The following PLEKHM3 variants were observed in gnomAD, a reference collection of about 807,000 sequenced individuals.
PLEKHM3 encodes the protein pleckstrin homology domain containing M3.
Under a neutral mutation model 81.8 loss-of-function variants are expected in PLEKHM3, and 45 were observed. The observed-to-expected ratio is 0.55, with a 90% CI of 0.43 to 0.71. The LOEUF is 0.71. Ranked by LOEUF, PLEKHM3 falls within the 30% of genes least tolerant of loss-of-function variation. PLEKHM3 has a pLI of 0.00. For synonymous variants in PLEKHM3, 352 were observed against 356.4 expected (o/e 0.99, Z 0.14); for missense variants, 788 against 924.3 (o/e 0.85, Z 1.91).
At chr2:207,882,835 T>A (rs80287537) in intron 6 of PLEKHM3, among the ~76,000 whole-genome samples, 4,551 of 152,138 alleles carry the variant, frequency 0.03, 212 homozygotes, top group African/African-American at 0.1. Flanking sequence ...AGTTTTTTTT[T>A]TAATTTTTTT....
intron 4 of PLEKHM3, among the ~76,000 whole-genome samples, chr2:207,944,169 T>C (rs575490992): frequency 1.3e-5 from 2 of 151,966 alleles, no homozygotes; most frequent in South Asian, 4.2e-4. Context: ...GGACAAGAAA[T>C]TAGAGAAGGT....
chr2:207,920,190 C>A (rs1689133880), intron 5 of PLEKHM3, among the ~76,000 whole-genome samples: 1 of 152,112 alleles, frequency 6.6e-6, no homozygotes, highest in Non-Finnish European at 1.5e-5. Flanking sequence ...TCAAGCCAAG[C>A]CATTAAATTG....
intron 6 of PLEKHM3, among the ~76,000 whole-genome samples, chr2:207,907,772 T>C (rs1478685622): frequency 6.6e-6 from 1 of 152,216 alleles, no homozygotes; most frequent in African/African-American, 2.4e-5. Flanking sequence ...TAACCATCAC[T>C]GCTGTTTAAT....
In PLEKHM3 at chr2:207,901,835, T is replaced by G. The variant is rs149387781; in HGVS notation, c.1950+6679A>C. Among the ~76,000 whole-genome samples the G allele has an allele frequency of 4.6e-5, 7 of 152,266 alleles. No homozygotes were observed. The East Asian group carries it at 1.2e-3, about 25-fold the overall frequency. On this transcript the variant is annotated intron_variant, in intron 6 of 7. Coordinates refer to ENST00000427836, the MANE Select transcript of PLEKHM3 (RefSeq NM_001080475.3). The stretch of plus-strand genomic sequence containing the variant: ...CCGTGGCTAAAATAGTTAACAGAGA[T>G]TTAGTGATGTTTTAATGGAGGCCTC...
At chr2:207,992,976 A>G (rs774830278) in intron 2 of PLEKHM3, among the ~76,000 whole-genome samples, 6 of 152,206 alleles carry the variant, frequency 3.9e-5, no homozygotes, top group Non-Finnish European at 1.5e-5. Flanking sequence ...GATGCTTTAT[A>G]AAGTTTACAC....
intron 5 of PLEKHM3, among the ~76,000 whole-genome samples, chr2:207,923,908 T>A (rs1471738467): frequency 1.2e-3 from 119 of 101,410 alleles, no homozygotes; most frequent in African/African-American, 3.5e-3. Flanking sequence ...TATATATATT[T>A]TTTTTTTTTT....
chr2:207,874,115 G>A (rs749165305), intron 6 of PLEKHM3, among the ~76,000 whole-genome samples: 1 of 152,186 alleles, frequency 6.6e-6, no homozygotes, highest in Non-Finnish European at 1.5e-5. Flanking sequence ...TGTCTGCAGT[G>A]TCTGTATGCC....
At chr2:207,959,663 T>G (rs922874132) in intron 3 of PLEKHM3, among the ~76,000 whole-genome samples, 9 of 152,210 alleles carry the variant, frequency 5.9e-5, no homozygotes, top group African/African-American at 2.2e-4. Flanking sequence ...AAACAAAACC[T>G]GTCCTCTCCT....
chr2:207,979,070 T>C (rs778843000), intron 2 of PLEKHM3, among the ~76,000 whole-genome samples: 1 of 152,200 alleles, frequency 6.6e-6, no homozygotes, highest in Non-Finnish European at 1.5e-5. Flanking sequence ...CCTAGCACAA[T>C]GCTCAGCACA....
At chr2:207,967,208 T>C (rs1288110977) in intron 3 of PLEKHM3, among the ~76,000 whole-genome samples, 1 of 152,134 alleles carries the variant, frequency 6.6e-6, no homozygotes, top group Non-Finnish European at 1.5e-5. Flanking sequence ...TTGCTCAGGC[T>C]GGTCTCAAAC....
chr2:207,845,609 A>T (rs2092377858), intron 7 of PLEKHM3, among the ~76,000 whole-genome samples: 1 of 152,254 alleles, frequency 6.6e-6, no homozygotes, highest in South Asian at 2.1e-4. Flanking sequence ...TAAGGATGTA[A>T]GCCATCACTC....
rs769020807 is a variant in PLEKHM3 at position 208,001,338 on chromosome 2, G to C, written c.302C>G (p.Thr101Arg). The C allele has an allele frequency of 4.8e-5, 78 of 1,614,088 alleles. 2 individuals are homozygous for C. The South Asian group carries it at 8.5e-4, about 17-fold the overall frequency. Reference protein sequence around the residue: ...AKEQFMVQRGTTPDNLSWMEQ... With the variant: ...AKEQFMVQRGRTPDNLSWMEQ... Reference sequence around the variant, plus strand: ...CATCCAGGAAAGATTATCTGGGGTTGTCCCTCTCTGGACCATAAACTGTTC... The same window carrying C: ...CATCCAGGAAAGATTATCTGGGGTTCTCCCTCTCTGGACCATAAACTGTTC... Residue 101 changes from threonine (T) to arginine (R), a missense_variant, in exon 2 of 8, where the codon ACA becomes AGA. Physicochemically the swap from Thr to Arg is moderately conservative, Grantham distance 71. Transcript: ENST00000427836.
intron 3 of PLEKHM3, among the ~76,000 whole-genome samples, chr2:207,953,992 A>G (rs1690423569): frequency 6.6e-6 from 1 of 152,166 alleles, no homozygotes; most frequent in Non-Finnish European, 1.5e-5. Flanking sequence ...CATAGAAGTA[A>G]GTAACTCCTC....
At chr2:208,019,972 C>CA (rs1693070049) in intron 1 of PLEKHM3, among the ~76,000 whole-genome samples, 27 of 152,220 alleles carry the variant, frequency 1.8e-4, no homozygotes, top group Admixed American at 1.8e-3. Context: ...GGATCAAGAG[C>CA]ATGTAGGAGG....
At chr2:207,928,497 A>C (rs80047490) in intron 5 of PLEKHM3, among the ~76,000 whole-genome samples, 2,877 of 152,394 alleles carry the variant, frequency 0.019, 97 homozygotes, top group African/African-American at 0.066. Flanking sequence ...TAACAATAAT[A>C]GTATTTACTG....
At chr2:207,989,515 C>G (rs555090790) in intron 2 of PLEKHM3, among the ~76,000 whole-genome samples, 2 of 152,286 alleles carry the variant, frequency 1.3e-5, no homozygotes, top group South Asian at 4.1e-4. Context: ...CAATTACAGC[C>G]TTTCTTTTCC....
intron 3 of PLEKHM3, among the ~76,000 whole-genome samples, chr2:207,947,049 C>A (rs1222313097): frequency 6.6e-6 from 1 of 152,164 alleles, no homozygotes; most frequent in African/African-American, 2.4e-5. Context: ...CTAAAATAAT[C>A]CCCAAAACTG....
At chr2:207,881,625 A>T (rs997873353) in intron 6 of PLEKHM3, among the ~76,000 whole-genome samples, 4 of 152,232 alleles carry the variant, frequency 2.6e-5, no homozygotes, top group African/African-American at 9.6e-5. Flanking sequence ...ATAATCAAGA[A>T]AAAACAATTT....
chr2:207,883,119 A>G (rs1224755783), intron 6 of PLEKHM3, among the ~76,000 whole-genome samples: 1 of 152,206 alleles, frequency 6.6e-6, no homozygotes, highest in African/African-American at 2.4e-5. Context: ...CTTTGGTACC[A>G]TGTGCTCAGC....
Sources: gnomAD v4.1 joint callset for allele counts (sites outside exome capture counted in the v4.1 genomes callset) on GRCh38, gnomAD v4.1.1 for gene constraint, MANE v1.5 for transcripts, NCBI Gene and HGNC (gene_info 2026-07-23, HGNC 2026-07-21) for gene names.